PPL: variants seen among roughly 807,000 people sequenced by gnomAD.
PPL encodes the protein 190 kDa paraneoplastic pemphigus antigen.
PPL carries 198 observed loss-of-function variants against 194.4 expected under a neutral mutation model. That is an observed-to-expected ratio of 1.02 (90% CI 0.91 to 1.15). PPL has a LOEUF of 1.15. PPL is among the 50% of genes most tolerant of loss of function. The pLI is 0.00. For missense variants in PPL, 2,885 were observed against 2,294.8 expected (o/e 1.26, Z -5.25); for synonymous variants, 1,220 against 972.4 (o/e 1.25, Z -4.74).
In PPL at chr16:4,890,265, C is replaced by A. The variant is rs150346859; in HGVS notation, c.2232G>T (p.Gln744His). 1.7e-4 allele frequency: 276 copies of A among 1,614,252 alleles called. No individual in the cohort carries two copies. In the African/African-American group the frequency reaches 3.4e-3, roughly 20 times the overall value. ...CGTAACTGGGGATGCTGACTAGGAA[C>A]TGCAGCACGTGGTCATGGCCGCGGT... is the stretch of plus-strand genomic sequence containing the variant. ...HFHRGHDHVL[Q>H]FLVSIPSYEP... is the part of the protein sequence containing the mutation. The change falls in exon 18 of 22, where the codon CAG becomes CAT. Residue 744 changes from glutamine (Q) to histidine (H), a missense_variant. Gln to His is a conservative substitution (Grantham distance 24). Coordinates refer to ENST00000345988, the MANE Select transcript of PPL (RefSeq NM_002705.5).
intron 1 of PPL, among the ~76,000 whole-genome samples, chr16:4,917,263 A>G (rs2088940779): frequency 6.6e-6 from 1 of 152,208 alleles, no homozygotes; most frequent in Non-Finnish European, 1.5e-5. Context: ...AGTGGAAACA[A>G]CTCAAATATT....
At position 4,885,063 on chromosome 16, in the gene PPL, G is replaced by A; in HGVS notation, c.3592C>T (p.Gln1198Ter). 2 of 1,613,594 alleles carry A rather than the reference G, an allele frequency of 1.2e-6. No homozygotes were observed. The highest frequency in any genetic ancestry group is 1.7e-6 in the Non-Finnish European group (2 of 1,180,032). The change falls in exon 22 of 22, where the codon CAG becomes TAG. Residue 1198 changes from glutamine to a stop codon, truncating the protein, a stop_gained. Transcript: ENST00000345988. LOFTEE classifies it high-confidence loss of function. The surrounding 1 kb of genome is among the most constrained non-coding windows in gnomAD (Gnocchi z 6.3). ...VANLRLELVE[Q>*]ERKYRGAEEQ... is the part of the protein sequence containing the mutation. ...TCGGCACCCCGGTACTTTCGCTCCT[G>A]CTCCACAAGCTCCAGGCGGAGGTTC...
rs560914153 is a variant in PPL, at chr16:4,885,973, C to T, written c.2682G>A (p.Lys894=). Residue 894 remains lysine (K), a synonymous_variant, in exon 22 of 22, where the codon AAG becomes AAA. Transcript: ENST00000345988. This position sits in a 1 kb window ranked among gnomAD's most constrained non-coding sequence, Gnocchi z 6.3. ...TCTCCTCATCCAGTTCCTTCCTGAT[C>T]TTCCACGCCTCCTCCACTCCAGAGT... The part of the protein sequence containing the change: ...RPDSGVEEAW[K]IRKELDEETE... 3.7e-6 allele frequency: 6 copies of T among 1,613,796 alleles called. No homozygotes were observed. The East Asian group carries it at 1.1e-4, about 30-fold the overall frequency.
intron 1 of PPL, among the ~76,000 whole-genome samples, chr16:4,936,418 G>C (rs569303602): frequency 5.9e-5 from 9 of 152,304 alleles, no homozygotes; most frequent in Admixed American, 1.3e-4. Context: ...GCAGCGGCGG[G>C]TGGCCCGCCC....
At chr16:4,908,175 A>G (rs1335623018) in intron 2 of PPL, among the ~76,000 whole-genome samples, 1 of 150,948 alleles carries the variant, frequency 6.6e-6, no homozygotes, top group Non-Finnish European at 1.5e-5. Flanking sequence ...AAAAAAAAAA[A>G]AAAAAAGAAA....
intron 1 of PPL, among the ~76,000 whole-genome samples, chr16:4,921,504 T>C (rs2089049518): frequency 6.6e-6 from 1 of 152,192 alleles, no homozygotes; most frequent in African/African-American, 2.4e-5. Flanking sequence ...TCTCACTCTG[T>C]CACCCAGGCT....
At chr16:4,920,310 GAAGGAAAGA>G in intron 1 of PPL, among the ~76,000 whole-genome samples, 14 of 100,896 alleles carry the variant, frequency 1.4e-4, no homozygotes, top group East Asian at 4.0e-4. Context: ...AAGAAGGAAA[GAAGGAAAGA>G]AAAGAAAGAA....
intron 1 of PPL, among the ~76,000 whole-genome samples, chr16:4,924,897 A>G (rs895532457): frequency 2.0e-5 from 3 of 151,504 alleles, no homozygotes; most frequent in African/African-American, 7.3e-5. Context: ...TCCTGCCATC[A>G]CCTCCACCCC....
intron 1 of PPL, among the ~76,000 whole-genome samples, chr16:4,925,792 G>A (rs1448294352): frequency 6.6e-6 from 1 of 152,158 alleles, no homozygotes; most frequent in East Asian, 1.9e-4. Flanking sequence ...CACCTTCTCA[G>A]TACAAAGGGG....
rs554059686 is a variant in PPL at position 4,902,166 on chromosome 16, G to A, written c.438+240C>T. Among the ~76,000 whole-genome samples the A allele has an allele frequency of 2.6e-5, 4 of 152,292 alleles. No individual in the cohort carries two copies. In the East Asian group the frequency reaches 7.7e-4, roughly 29 times the overall value. On this transcript the variant is annotated intron_variant, in intron 4 of 21. Transcript: ENST00000345988. The surrounding 1 kb of genome is among the most constrained non-coding windows in gnomAD (Gnocchi z 4.0). The stretch of plus-strand genomic sequence containing the variant: ...GAAAGTGGGACCCAGGAGCAGCAGC[G>A]AGGTGTGGCTGACAGGGGACAGAGT...
chr16:4,889,852 C>T (rs527382021), intron 18 of PPL, among the ~76,000 whole-genome samples: 1 of 152,202 alleles, frequency 6.6e-6, no homozygotes, highest in African/African-American at 2.4e-5. Flanking sequence ...ATGGGGGAGG[C>T]AGGAGTCCCA....
intron 2 of PPL, among the ~76,000 whole-genome samples, chr16:4,905,443 G>C (rs1345863331): frequency 6.6e-6 from 1 of 152,132 alleles, no homozygotes; most frequent in Non-Finnish European, 1.5e-5. Flanking sequence ...GCAGGGCTGG[G>C]AAGAGGCATT....
Position 4,927,592 on chromosome 16 carries a change from A to G in PPL, c.62+9392T>C, listed in dbSNP as rs761327472. On this transcript the variant is annotated intron_variant, in intron 1 of 21. Coordinates refer to ENST00000345988, the MANE Select transcript of PPL (RefSeq NM_002705.5). ...GAAAGCAGTACACAGAATGTGCCCA[A>G]TGAATACCAGATTGATTGGTCAATT... Among the ~76,000 whole-genome samples, 4 of 152,374 alleles carry G rather than the reference A, an allele frequency of 2.6e-5. No individual in the cohort carries two copies. The South Asian group carries it at 6.2e-4, about 24-fold the overall frequency.
At position 4,889,253 on chromosome 16, in the gene PPL, T is replaced by G. The variant is rs1184841755; in HGVS notation, c.2314-192A>C. Among the ~76,000 whole-genome samples the G allele has an allele frequency of 1.9e-4, 22 of 117,560 alleles. 1 individual carries two copies. Among genetic ancestry groups the G allele is most frequent in the South Asian group, 3.3e-4 (1 of 3,030 alleles). 77.1% of individuals were successfully genotyped at this position (117,560 alleles called of 152,430 possible). On this transcript the variant is annotated intron_variant, in intron 18 of 21. Transcript: ENST00000345988. ...TTTTGTTGTTGTTGTTTTTTTTTTT[T>G]TTTTTTTTTTTTTTTTTTTTTGAGA... is the stretch of plus-strand genomic sequence containing the variant.
intron 1 of PPL, among the ~76,000 whole-genome samples, chr16:4,928,358 T>A (rs2089185858): frequency 6.6e-6 from 1 of 152,224 alleles, no homozygotes; most frequent in Non-Finnish European, 1.5e-5. Context: ...CATGGGCCAC[T>A]GTGCCCGGCC....
chr16:4,923,041 C>G (rs908301444), intron 1 of PPL, among the ~76,000 whole-genome samples: 3 of 152,182 alleles, frequency 2.0e-5, no homozygotes, highest in African/African-American at 7.2e-5. Context: ...GGCTAAGGAT[C>G]AGAGTCAGTA....
rs770485903 is a variant in PPL, at chr16:4,884,572, C to T, written c.4083G>A (p.Glu1361=). The T allele has an allele frequency of 1.2e-6, 2 of 1,613,962 alleles. No individual in the cohort carries two copies. The highest frequency in any genetic ancestry group is 1.7e-6 in the Non-Finnish European group (2 of 1,179,944). Residue 1361 remains glutamate, a synonymous_variant, in exon 22 of 22, where the codon GAG becomes GAA. Coordinates refer to ENST00000345988, the MANE Select transcript of PPL (RefSeq NM_002705.5). This position sits in a 1 kb window ranked among gnomAD's most constrained non-coding sequence, Gnocchi z 5.7. ...CGCTCGCCTCGGCCCGCAGGCCTGG[C>T]TCCTCCTCATACCTGACCACCTCCT... ...VQQEVVRYEE[E]PGLRAEASAF...
In PPL at chr16:4,884,686, C is replaced by G. The variant is rs2088180421; in HGVS notation, c.3969G>C (p.Val1323=). The part of the protein sequence containing the change: ...AKLSEEQKKQ[V]DLERERASQE... ...GGGAAGCTCTTTCCCTCTCCAGATC[C>G]ACTTGTTTCTTCTGCTCCTCTGAGA... The change falls in exon 22 of 22, where the codon GTG becomes GTC. Residue 1323 remains valine, a synonymous_variant. Transcript: ENST00000345988. The surrounding 1 kb of genome is among the most constrained non-coding windows in gnomAD (Gnocchi z 5.7). 3 of 1,614,152 alleles carry G rather than the reference C, an allele frequency of 1.9e-6. No homozygotes were observed. Among genetic ancestry groups the G allele is most frequent in the African/African-American group, 1.3e-5 (1 of 75,054 alleles).
Position 4,902,570 on chromosome 16 carries a change from G to A in PPL, c.318-44C>T. 5.0e-6 allele frequency: 8 copies of A among 1,598,006 alleles called. No homozygotes were observed. The highest frequency in any genetic ancestry group is 6.0e-6 in the Non-Finnish European group (7 of 1,171,672). On this transcript the variant is annotated intron_variant, in intron 3 of 21. Coordinates refer to ENST00000345988, the MANE Select transcript of PPL (RefSeq NM_002705.5). This position sits in a 1 kb window ranked among gnomAD's most constrained non-coding sequence, Gnocchi z 4.0. ...CCACTTAGTGGGGCTGGTTGGCACT[G>A]CCTGCACCCCAGGAGGGGCCCCCCA...
Sources: gnomAD v4.1 joint callset for allele counts (sites outside exome capture counted in the v4.1 genomes callset) on GRCh38, gnomAD v4.1.1 for gene constraint, Gnocchi (gnomAD v3.1) non-coding constraint, MANE v1.5 for transcripts, NCBI Gene and HGNC (gene_info 2026-07-23, HGNC 2026-07-21) for gene names.